SS18: variants seen among roughly 807,000 people sequenced by gnomAD.
SS18 encodes the protein SS18 subunit of BAF chromatin remodeling complex.
SS18 carries 28 observed loss-of-function variants against 72.5 expected under a neutral mutation model. The ratio of observed to expected loss-of-function variants is 0.39; its 90% confidence interval spans 0.29 to 0.53. The LOEUF is 0.53. SS18 is among the 20% of genes least tolerant of loss of function. The probability of loss-of-function intolerance (pLI) is 0.76; values close to 1 mark genes in which losing one functional copy is unlikely to be tolerated. For synonymous variants in SS18, 172 were observed against 164.2 expected (o/e 1.05, Z -0.37); for missense variants, 518 against 535.3 (o/e 0.97, Z 0.32).
intron 3 of SS18, among the ~76,000 whole-genome samples, chr18:26,072,286 A>T (rs1370537688): frequency 6.6e-6 from 1 of 152,060 alleles, no homozygotes; most frequent in Non-Finnish European, 1.5e-5. Context: ...AATAAAAAAC[A>T]AATTAATTAT....
At chr18:26,057,195 G>A (rs2144016225) in intron 4 of SS18, among the ~76,000 whole-genome samples, 1 of 152,278 alleles carries the variant, frequency 6.6e-6, no homozygotes, top group South Asian at 2.1e-4. Context: ...CAGTGATACT[G>A]TTTCTGAGAT....
At chr18:26,046,801 C>T (rs762331628) in intron 5 of SS18, among the ~76,000 whole-genome samples, 4 of 152,200 alleles carry the variant, frequency 2.6e-5, no homozygotes, top group Non-Finnish European at 5.9e-5. Context: ...ACAAGCTTTG[C>T]TGTATGTGCA....
chr18:26,060,321 T>C (rs1423466120), intron 3 of SS18, among the ~76,000 whole-genome samples: 6 of 152,170 alleles, frequency 3.9e-5, no homozygotes, highest in Admixed American at 3.9e-4. Flanking sequence ...ATGATTCTAT[T>C]CATAAGAAAT....
At chr18:26,059,034 T>A (rs1332299792) in intron 3 of SS18, among the ~76,000 whole-genome samples, 1 of 152,206 alleles carries the variant, frequency 6.6e-6, no homozygotes, top group African/African-American at 2.4e-5. Context: ...CTTGTCCAAA[T>A]TTTCTGTTAA....
rs1273193638 is a variant in SS18, at chr18:26,032,495, G to A, written c.1134C>T (p.Asn378=). The part of the protein sequence containing the change: ...SQGGPGPQYP[N]YPQGQGQQYG... ...ACTGCTGACCTTGTCCCTGTGGGTA[G>A]TTAGGATACTGAGGACCTGGACCAC... The change falls in exon 10 of 11, where the codon AAC becomes AAT. Residue 378 remains asparagine, a synonymous_variant. Transcript: ENST00000415083. 1.2e-6 allele frequency: 2 copies of A among 1,613,782 alleles called. No individual in the cohort carries two copies. Among genetic ancestry groups the A allele is most frequent in the Non-Finnish European group, 8.5e-7 (1 of 1,179,818 alleles).
chr18:26,043,737 C>T (rs920392045), intron 5 of SS18, among the ~76,000 whole-genome samples: 2 of 152,024 alleles, frequency 1.3e-5, no homozygotes, highest in African/African-American at 4.8e-5. Context: ...GATGACTAGC[C>T]CAGTTCAGTA....
intron 3 of SS18, among the ~76,000 whole-genome samples, chr18:26,060,770 C>CCAAAAAAAAAAA (rs2054105461): frequency 3.5e-4 from 2 of 5,732 alleles, no homozygotes; most frequent in Non-Finnish European, 1.3e-3. Flanking sequence ...ACTAAAAATA[C>CCAAAAAAAAAAA]CAAAAAAAAA....
chr18:26,049,776 A>C (rs943459596), intron 5 of SS18, among the ~76,000 whole-genome samples: 2 of 152,176 alleles, frequency 1.3e-5, no homozygotes, highest in East Asian at 3.9e-4. Context: ...TCAGCCTCCC[A>C]AAGTGTTGAG....
chr18:26,038,411 GTACTT>G, intron 7 of SS18, 139 bp downstream of exon 7: 1 of 668,224 alleles, frequency 1.5e-6, no homozygotes, highest in Non-Finnish European at 2.7e-6. Context: ...GCTATCATTG[GTACTT>G]TAGAGTACTG....
chr18:26,049,963 T>C lies in SS18; in HGVS notation c.607+2661A>G, dbSNP rs1724030284. 2.6e-5 allele frequency among the ~76,000 whole-genome samples: 4 copies of C among 152,340 alleles called. No individual in the cohort carries two copies. The South Asian group carries it at 8.3e-4, about 32-fold the overall frequency. ...TTAAGAAACAAATTAACATAAAAAT[T>C]GGGCCCAGCGCAGTGGCTTGCGCCT... On this transcript the variant is annotated intron_variant, in intron 5 of 10. Transcript: ENST00000415083.
At chr18:26,043,776 C>T (rs1454642266) in intron 5 of SS18, among the ~76,000 whole-genome samples, 1 of 152,112 alleles carries the variant, frequency 6.6e-6, no homozygotes, top group African/African-American at 2.4e-5. Flanking sequence ...ACAAATTTAG[C>T]TGAGTTTCCA....
chr18:26,036,032 A>G (rs1891197423), intron 7 of SS18, 109 bp from the exon 8 acceptor site: 1 of 759,684 alleles, frequency 1.3e-6, no homozygotes, highest in Non-Finnish European at 2.2e-6. Context: ...AAAGAAATGG[A>G]ACATAAAAAA....
At chr18:26,018,449 G>A (rs1388604565) in intron 10 of SS18, 69 bp from the exon 11 acceptor site, 13 of 1,241,040 alleles carry the variant, frequency 1.0e-5, no homozygotes, top group East Asian at 2.6e-5. Flanking sequence ...GATTACAAAC[G>A]AATCATTTCT....
intron 7 of SS18, 84 bp downstream of exon 7, chr18:26,038,471 C>G (rs547337674): frequency 4.8e-5 from 60 of 1,253,262 alleles, no homozygotes; most frequent in South Asian, 1.7e-4. Flanking sequence ...GTTTCTTCGT[C>G]CTCACTGAAA....
chr18:26,055,774 T>C (rs1478959147), intron 4 of SS18, among the ~76,000 whole-genome samples: 1 of 150,366 alleles, frequency 6.7e-6, no homozygotes, highest in Non-Finnish European at 1.5e-5. Flanking sequence ...TTGTTTTTTT[T>C]TTTTGATGGA....
At chr18:26,069,507 TAAAAAA>T (rs11329781) in intron 3 of SS18, among the ~76,000 whole-genome samples, 1 of 86,020 alleles carries the variant, frequency 1.2e-5, no homozygotes, top group Non-Finnish European at 3.0e-5. Context: ...CCTACCAAAG[TAAAAAA>T]AAAAAAAAAA....
intron 3 of SS18, among the ~76,000 whole-genome samples, chr18:26,072,522 T>C (rs2054329858): frequency 6.6e-6 from 1 of 151,952 alleles, no homozygotes. Context: ...AAGGGATAAT[T>C]CACAATGATG....
intron 3 of SS18, among the ~76,000 whole-genome samples, chr18:26,072,929 G>A (rs527446849): frequency 1.2e-3 from 180 of 145,944 alleles, no homozygotes; most frequent in African/African-American, 4.4e-3. Flanking sequence ...ACATTGGAAA[G>A]ACTAAAAAAA....
At chr18:26,086,605 A>T (rs546988745) in intron 2 of SS18, among the ~76,000 whole-genome samples, 1 of 152,342 alleles carries the variant, frequency 6.6e-6, no homozygotes, top group East Asian at 1.9e-4. Context: ...TCTAATGGAC[A>T]GTGCTGTTCT....
Sources: gnomAD v4.1 joint callset for allele counts (sites outside exome capture counted in the v4.1 genomes callset) on GRCh38, gnomAD v4.1.1 for gene constraint, MANE v1.5 for transcripts, NCBI Gene and HGNC (gene_info 2026-07-23, HGNC 2026-07-21) for gene names.